The following PLD5 variants were observed in gnomAD, a reference collection of about 807,000 sequenced individuals.
PLD5 encodes the protein phospholipase D family member 5.
Under a neutral mutation model 61.1 loss-of-function variants are expected in PLD5, and 36 were observed. That is an observed-to-expected ratio of 0.59 (90% CI 0.45 to 0.78). The LOEUF (loss-of-function observed/expected upper bound fraction) is 0.78. Ranked by LOEUF, PLD5 falls within the 30% of genes least tolerant of loss-of-function variation. The pLI is 0.00. For synonymous variants in PLD5, 243 were observed against 242.8 expected, an observed-to-expected ratio of 1.00 and a Z score of -0.01; for missense variants, 515 against 644.4, an observed-to-expected ratio of 0.80 and a Z score of 2.17.
At chr1:242,160,076 G>A (rs1028031240) in intron 5 of PLD5, among the ~76,000 whole-genome samples, 1 of 151,804 alleles carries the variant, frequency 6.6e-6, no homozygotes, top group Non-Finnish European at 1.5e-5. Flanking sequence ...CAGTGACACA[G>A]TCATGGTTCA....
At position 242,394,944 on chromosome 1, in the gene PLD5, TATG is replaced by T. The variant is rs1359965336; in HGVS notation, c.190-46705_190-46703del. ...TATATGTATACATTATATGAATATATATGATTATATATGAATATATATGATTAT... is the reference window on the plus strand; with the variant it reads ...TATATGTATACATTATATGAATATATATTATATATGAATATATATGATTAT... On this transcript the variant is annotated intron_variant, in intron 1 of 9. Transcript: ENST00000536534. Among the ~76,000 whole-genome samples the T allele has an allele frequency of 1.8e-4, 23 of 127,790 alleles. 1 individual carries two copies. Among genetic ancestry groups the T allele is most frequent in the African/African-American group, 4.2e-4 (14 of 33,624 alleles). The allele number at this position is 127,790 out of a possible 152,430, so 83.8% of individuals were successfully genotyped here.
chr1:242,419,607 G>A (rs1387772623), intron 1 of PLD5, among the ~76,000 whole-genome samples: 1 of 106,860 alleles, frequency 9.4e-6, no homozygotes, highest in Non-Finnish European at 1.8e-5. Flanking sequence ...TAGAAACAGG[G>A]TTTCACTATG....
rs1673083790 is a variant in PLD5 at position 242,256,926 on chromosome 1, T to A, written c.607+8411A>T. ...CTTTTTTCATCTATCTATCTATCTA[T>A]CTATCTAATCTATCTCTACCTACTG... On this transcript the variant is annotated intron_variant, in intron 4 of 9. Coordinates refer to ENST00000536534, the MANE Select transcript of PLD5 (RefSeq NM_001372062.1). The surrounding 1 kb of genome is among the most constrained non-coding windows in gnomAD (Gnocchi z 5.7). Among the ~76,000 whole-genome samples, 1 of 148,746 alleles carries A rather than the reference T, an allele frequency of 6.7e-6. No homozygotes were observed. Among genetic ancestry groups the A allele is most frequent in the Non-Finnish European group, 1.5e-5 (1 of 67,606 alleles).
intron 5 of PLD5, chr1:242,208,990 A>T (rs1167197102): frequency 1.3e-5 from 2 of 152,206 alleles, no homozygotes; most frequent in Non-Finnish European, 2.9e-5. Context: ...CTTCAACTTC[A>T]GGCTAATAGT....
rs532043277 is a variant in PLD5 at position 242,466,688 on chromosome 1, T to G, written c.189+57400A>C. Among the ~76,000 whole-genome samples, 8 of 151,958 alleles carry G rather than the reference T, an allele frequency of 5.3e-5. No homozygotes were observed. In the South Asian group the frequency reaches 1.7e-3, roughly 32 times the overall value. ...CGGGCAGATGACTTGAGTTAAGGAG[T>G]TCGAGACCAGCCTGGCCAACATGGT... On this transcript the variant is annotated intron_variant, in intron 1 of 9. Coordinates refer to ENST00000536534, the MANE Select transcript of PLD5 (RefSeq NM_001372062.1).
intron 1 of PLD5, among the ~76,000 whole-genome samples, chr1:242,520,550 G>T (rs1669248452): frequency 6.6e-6 from 1 of 152,124 alleles, no homozygotes; most frequent in Non-Finnish European, 1.5e-5. Flanking sequence ...ACCACACTTT[G>T]ACAGGAGCTA....
At chr1:242,367,104 C>T (rs1354085628) in intron 1 of PLD5, among the ~76,000 whole-genome samples, 1 of 151,864 alleles carries the variant, frequency 6.6e-6, no homozygotes, top group Non-Finnish European at 1.5e-5. Context: ...GCACAGAGCC[C>T]TACTCTACTC....
chr1:242,336,972 A>C (rs1377039192), intron 2 of PLD5, among the ~76,000 whole-genome samples: 10 of 152,214 alleles, frequency 6.6e-5, no homozygotes, highest in Admixed American at 1.3e-4. Context: ...AATATGTACT[A>C]GTATGATCAC....
rs547535096 is a variant in PLD5, at chr1:242,194,618, GTATCTATCTATC to G, written c.735+25358_735+25369del. ...TCTATCTATCTATGTATCTATCTAT[GTATCTATCTATC>G]TATCTATCTATCTATCTATCTATCT... On this transcript the variant is annotated intron_variant, in intron 5 of 9. Coordinates refer to ENST00000536534, the MANE Select transcript of PLD5 (RefSeq NM_001372062.1). 2.5e-3 allele frequency among the ~76,000 whole-genome samples: 255 copies of G among 102,984 alleles called. 1 individual carries two copies. The highest frequency in any genetic ancestry group is 9.1e-3 in the African/African-American group (233 of 25,698). 67.6% of individuals were successfully genotyped at this position (102,984 alleles called of 152,430 possible). A position where few individuals can be genotyped will look rare whatever the true frequency, so the allele number is the denominator to read the frequency against.
intron 4 of PLD5, among the ~76,000 whole-genome samples, chr1:242,253,427 C>T (rs1334927247): frequency 6.6e-6 from 1 of 151,486 alleles, no homozygotes; most frequent in African/African-American, 2.4e-5. Context: ...CATTCTCCTG[C>T]CTCAGCCTCC....
intron 5 of PLD5, among the ~76,000 whole-genome samples, chr1:242,153,777 C>T (rs911924958): frequency 6.6e-6 from 1 of 152,138 alleles, no homozygotes; most frequent in Non-Finnish European, 1.5e-5. Context: ...AGTTTGAAGT[C>T]AGGTAGCCTG....
chr1:242,414,514 G>A (rs962419742), intron 1 of PLD5, among the ~76,000 whole-genome samples: 3 of 152,130 alleles, frequency 2.0e-5, no homozygotes, highest in Admixed American at 2.0e-4. Context: ...TACAATAAAG[G>A]CTGTATCTCA....
At chr1:242,334,334 C>G (rs897302962) in intron 2 of PLD5, among the ~76,000 whole-genome samples, 16 of 152,130 alleles carry the variant, frequency 1.1e-4, no homozygotes, top group Non-Finnish European at 2.1e-4. Context: ...CCATCACATC[C>G]CAGCAGGTTC....
At chr1:242,430,627 A>G (rs1015923502) in intron 1 of PLD5, among the ~76,000 whole-genome samples, 4 of 151,970 alleles carry the variant, frequency 2.6e-5, no homozygotes, top group Non-Finnish European at 5.9e-5. Flanking sequence ...TGGTTTCCCT[A>G]TGTTGGCTAT....
chr1:242,090,252 CCG>C lies in PLD5; in HGVS notation c.1355-144_1355-143del, dbSNP rs1659716342. On this transcript the variant is annotated intron_variant, in intron 9 of 9. Transcript: ENST00000536534. ...GAGAGGCTGAATTGTGTTGACAGCT[CCG>C]AAAAAAAAATCCAAGAAGCCTTACA... 5 of 1,101,836 alleles carry C rather than the reference CCG, an allele frequency of 4.5e-6. No homozygotes were observed. The South Asian group carries it at 8.5e-5, about 19-fold the overall frequency. 68.3% of individuals were successfully genotyped at this position (1,101,836 alleles called of 1,614,324 possible). A position where few individuals can be genotyped will look rare whatever the true frequency, so the allele number is the denominator to read the frequency against.
chr1:242,411,165 T>A (rs77787910), intron 1 of PLD5, among the ~76,000 whole-genome samples: 1 of 152,226 alleles, frequency 6.6e-6, no homozygotes, highest in Admixed American at 6.5e-5. Context: ...CCAACTCTAA[T>A]TGATATATGA....
At chr1:242,114,312 T>G (rs1661773056) in intron 6 of PLD5, among the ~76,000 whole-genome samples, 1 of 152,224 alleles carries the variant, frequency 6.6e-6, no homozygotes, top group South Asian at 2.1e-4. Context: ...TACATAATTG[T>G]ATATATTTAT....
At chr1:242,172,441 G>A (rs1051204950) in intron 5 of PLD5, among the ~76,000 whole-genome samples, 3 of 152,048 alleles carry the variant, frequency 2.0e-5, no homozygotes, top group Non-Finnish European at 2.9e-5. Context: ...ATCTAAAATC[G>A]ACACCCTAAC....
intron 1 of PLD5, among the ~76,000 whole-genome samples, chr1:242,403,841 T>A (rs1412965965): frequency 1.3e-5 from 2 of 152,190 alleles, no homozygotes; most frequent in African/African-American, 4.8e-5. Flanking sequence ...TTCCTCCTTT[T>A]CTGCCTCTTC....
Sources: allele counts gnomAD v4.1 joint callset (sites outside exome capture counted in the v4.1 genomes callset), GRCh38; gene constraint gnomAD v4.1.1; non-coding constraint Gnocchi (gnomAD v3.1); transcripts MANE v1.5; gene names NCBI Gene and HGNC (gene_info 2026-07-23, HGNC 2026-07-21).